The following SLC35B3 variants were observed in gnomAD, a reference collection of about 807,000 sequenced individuals.
The protein encoded by SLC35B3 is adenosine 3'-phospho 5'-phosphosulfate transporter 2.
In SLC35B3, 35 loss-of-function variants were observed where a neutral mutation model predicts 44.1. That is an observed-to-expected ratio of 0.79 (90% confidence interval 0.61 to 1.05). SLC35B3 has a LOEUF of 1.05. Among genes scored for constraint, SLC35B3 ranks in the 50% least tolerant of loss-of-function variants. The probability of loss-of-function intolerance (pLI) is 0.00; values close to 1 mark genes in which losing one functional copy is unlikely to be tolerated. For synonymous variants in SLC35B3, 146 were observed against 167.3 expected, an observed-to-expected ratio of 0.87 and a Z score of 0.98; for missense variants, 414 against 476.4, an observed-to-expected ratio of 0.87 and a Z score of 1.22.
Position 8,433,996 on chromosome 6 carries a change from C to T in SLC35B3, c.3+389G>A, listed in dbSNP as rs758019339. Among the ~76,000 whole-genome samples the T allele has an allele frequency of 1.7e-4, 25 of 150,590 alleles. No individual in the cohort carries two copies. Among genetic ancestry groups the T allele is most frequent in the Non-Finnish European group, 3.4e-4 (23 of 67,852 alleles). ...TTCAGACTAAATGATCAACATTGTG[C>T]TTTGCTTTTGAAGCTCACAGTAATC... On this transcript the variant is annotated intron_variant, in intron 2 of 10. Transcript: ENST00000644923. This position sits in a 1 kb window ranked among gnomAD's most constrained non-coding sequence, Gnocchi z 4.1.
In SLC35B3 at chr6:8,411,530, T is replaced by G. The variant is rs75017147; in HGVS notation, c.*2019A>C. ...ACAAATCCTTTTCTTCTTAAAAGTT[T>G]AAGGCAGCATAATGAAGTATGCATT... On this transcript the variant is annotated 3_prime_UTR_variant, in exon 11 of 11. Coordinates refer to ENST00000644923, the MANE Select transcript of SLC35B3 (RefSeq NM_001370476.2). Among the ~76,000 whole-genome samples, 1,801 of 152,318 alleles carry G rather than the reference T, an allele frequency of 0.012. 26 individuals carry two copies. The highest frequency in any genetic ancestry group is 0.046 in the East Asian group (239 of 5,188).
chr6:8,433,040 A>T lies in SLC35B3; in HGVS notation c.3+1345T>A, dbSNP rs1764138886. On this transcript the variant is annotated intron_variant, in intron 2 of 10. Transcript: ENST00000644923. The surrounding 1 kb of genome is among the most constrained non-coding windows in gnomAD (Gnocchi z 4.1). ...CAGTACCTAGTATGAAACACAAGCT[A>T]AAAATCTGGGAGTCATCTTAAGAAT... 6.6e-6 allele frequency among the ~76,000 whole-genome samples: 1 copy of T among 152,172 alleles called. No homozygotes were observed. Among genetic ancestry groups the T allele is most frequent in the South Asian group, 2.1e-4 (1 of 4,828 alleles).
In SLC35B3 at chr6:8,412,303, G is replaced by A. The variant is rs186765277; in HGVS notation, c.*1246C>T. Among the ~76,000 whole-genome samples, 297 of 152,138 alleles carry A rather than the reference G, an allele frequency of 2.0e-3. 2 individuals carry two copies. The highest frequency in any genetic ancestry group is 6.9e-3 in the African/African-American group (288 of 41,496). On this transcript the variant is annotated 3_prime_UTR_variant, in exon 11 of 11. Transcript: ENST00000644923. ...TATAGCAGCCTGAATGTGCTAAGGC[G>A]GAAAATATTGTCCAAATTTGCTAAC...
chr6:8,415,277 CT>C (rs2113248944), intron 9 of SLC35B3, among the ~76,000 whole-genome samples: 1 of 152,260 alleles, frequency 6.6e-6, no homozygotes, highest in Non-Finnish European at 1.5e-5. Context: ...CAGTTTAAGT[CT>C]TAGAGAAAGG....
chr6:8,434,373 A>T lies in SLC35B3; in HGVS notation c.3+12T>A. The T allele has an allele frequency of 6.2e-7, 1 of 1,612,066 alleles. No individual in the cohort carries two copies. Among genetic ancestry groups the T allele is most frequent in the Non-Finnish European group, 8.5e-7 (1 of 1,178,632 alleles). ...TTTGCCACACTCAACGTTACAAATA[A>T]AAGAATCTTACCATGCCATTATGCC... On this transcript the variant is annotated intron_variant, in intron 2 of 10. Coordinates refer to ENST00000644923, the MANE Select transcript of SLC35B3 (RefSeq NM_001370476.2). This position sits in a 1 kb window ranked among gnomAD's most constrained non-coding sequence, Gnocchi z 6.3.
In SLC35B3 at chr6:8,432,071, T is replaced by C. The variant is rs180734976; in HGVS notation, c.4-1914A>G. The stretch of plus-strand genomic sequence containing the variant: ...CCCCCCAGTTATTAGAAAAGAGAAC[T>C]TGAAAGGCAAGATTCAAATCTTATT... On this transcript the variant is annotated intron_variant, in intron 2 of 10. Transcript: ENST00000644923. The surrounding 1 kb of genome is among the most constrained non-coding windows in gnomAD (Gnocchi z 4.8). 6.6e-6 allele frequency among the ~76,000 whole-genome samples: 1 copy of C among 152,276 alleles called. No individual in the cohort carries two copies. The highest frequency in any genetic ancestry group is 6.5e-5 in the Admixed American group (1 of 15,290).
At chr6:8,423,539 T>A (rs1431719663) in intron 4 of SLC35B3, among the ~76,000 whole-genome samples, 1 of 152,202 alleles carries the variant, frequency 6.6e-6, no homozygotes, top group Non-Finnish European at 1.5e-5. Context: ...GACTAGATAT[T>A]TAATGGTCTA....
intron 5 of SLC35B3, among the ~76,000 whole-genome samples, chr6:8,421,122 A>T (rs1380221919): frequency 6.6e-6 from 1 of 152,192 alleles, no homozygotes; most frequent in Non-Finnish European, 1.5e-5. Context: ...ACAAACATTT[A>T]AAAAATTTCC....
intron 5 of SLC35B3, among the ~76,000 whole-genome samples, chr6:8,421,719 G>T (rs1463343462): frequency 6.6e-6 from 1 of 152,138 alleles, no homozygotes; most frequent in Admixed American, 6.5e-5. Flanking sequence ...AAGCCAGCAG[G>T]TTGGTAAAAA....
rs368810083 is a variant in SLC35B3 at position 8,431,729 on chromosome 6, C to T, written c.4-1572G>A. 1.2e-4 allele frequency among the ~76,000 whole-genome samples: 19 copies of T among 152,272 alleles called. No homozygotes were observed. In the South Asian group the frequency reaches 3.7e-3, roughly 30 times the overall value. Reference sequence around the variant, plus strand: ...TTTAAAACCATGCTTTAAATTATCTCTCCTAAATATTTGGTCAAACCTGTG... The same window carrying T: ...TTTAAAACCATGCTTTAAATTATCTTTCCTAAATATTTGGTCAAACCTGTG... On this transcript the variant is annotated intron_variant, in intron 2 of 10. Coordinates refer to ENST00000644923, the MANE Select transcript of SLC35B3 (RefSeq NM_001370476.2).
intron 4 of SLC35B3, 164 bp downstream of exon 3, chr6:8,427,773 C>T: frequency 8.2e-6 from 4 of 490,196 alleles, no homozygotes; most frequent in South Asian, 4.3e-5. Context: ...TTATTTTTTT[C>T]AGTGTATAAA....
At position 8,421,170 on chromosome 6, in the gene SLC35B3, A is replaced by G. The variant is rs143413039; in HGVS notation, c.575-342T>C. Among the ~76,000 whole-genome samples the G allele has an allele frequency of 3.0e-3, 461 of 152,346 alleles. 1 individual carries two copies. The highest frequency in any genetic ancestry group is 0.01 in the African/African-American group (421 of 41,584). ...TCCTGTTTTACTTTGTGCATAATAAAAGGTTATGAATTTTCTCGTAGTTTG... is the reference window on the plus strand; with the variant it reads ...TCCTGTTTTACTTTGTGCATAATAAGAGGTTATGAATTTTCTCGTAGTTTG... On this transcript the variant is annotated intron_variant, in intron 5 of 10. Transcript: ENST00000644923.
chr6:8,422,898 T>G (rs1446530033), intron 4 of SLC35B3, among the ~76,000 whole-genome samples: 4 of 143,918 alleles, frequency 2.8e-5, no homozygotes, highest in Non-Finnish European at 4.6e-5. Flanking sequence ...GTATAAATGT[T>G]GACAAAAGGT....
intron 10 of SLC35B3, among the ~76,000 whole-genome samples, chr6:8,414,154 T>C (rs530992653): frequency 6.6e-6 from 1 of 152,278 alleles, no homozygotes; most frequent in South Asian, 2.1e-4. Context: ...ATTATAATTA[T>C]ATTTATGTAT....
chr6:8,428,982 TTGA>T (rs1320504289), intron 3 of SLC35B3, among the ~76,000 whole-genome samples: 2 of 152,182 alleles, frequency 1.3e-5, no homozygotes, highest in African/African-American at 4.8e-5. Flanking sequence ...TACATTTCCC[TTGA>T]TGATCATCTC....
At position 8,413,359 on chromosome 6, in the gene SLC35B3, T is replaced by C. The variant is rs1318639804; in HGVS notation, c.*190A>G. The C allele has an allele frequency of 6.1e-6, 3 of 495,186 alleles. No individual in the cohort carries two copies. The highest frequency in any genetic ancestry group is 4.0e-5 in the African/African-American group (2 of 49,610). 30.7% of individuals were successfully genotyped at this position (495,186 alleles called of 1,614,324 possible). A position where few individuals can be genotyped will look rare whatever the true frequency, so the allele number is the denominator to read the frequency against. ...AGTCTGCTAGACGTGGCTCTCTTGA[T>C]TGCTTTGGAAGTCAGTCAAACAAAT... is the stretch of plus-strand genomic sequence containing the variant. On this transcript the variant is annotated 3_prime_UTR_variant, in exon 11 of 11. Transcript: ENST00000644923.
At chr6:8,425,697 C>T (rs1242516971) in intron 4 of SLC35B3, among the ~76,000 whole-genome samples, 1 of 151,940 alleles carries the variant, frequency 6.6e-6, no homozygotes, top group African/African-American at 2.4e-5. Context: ...AAAAGCTGCA[C>T]AATTTTTGAA....
At chr6:8,421,006 G>C (rs1052385392) in intron 5 of SLC35B3, among the ~76,000 whole-genome samples, 178 bp from the exon 5 acceptor site, 1 of 152,120 alleles carries the variant, frequency 6.6e-6, no homozygotes, top group South Asian at 2.1e-4. Context: ...CCAATGGGCA[G>C]CAATATGTCC....
Position 8,435,350 on chromosome 6 carries a change from CCGGT to C in SLC35B3, c.-55_-52del. On this transcript the variant is annotated 5_prime_UTR_variant, in exon 1 of 11. It adds an upstream start codon to the 5' untranslated region. Transcript: ENST00000644923. This position sits in a 1 kb window ranked among gnomAD's most constrained non-coding sequence, Gnocchi z 5.5. ...CCCCGAAGGCACGCGTACCCCAAGGCCGGTATGTCACCCGGAAGGGTGACGGCAG... is the reference window on the plus strand; with the variant it reads ...CCCCGAAGGCACGCGTACCCCAAGGCATGTCACCCGGAAGGGTGACGGCAG... 2.3e-6 allele frequency: 3 copies of C among 1,289,256 alleles called. No individual in the cohort carries two copies. In the South Asian group the frequency reaches 3.7e-5, roughly 16 times the overall value. The allele number at this position is 1,289,256 out of a possible 1,614,324, so 79.9% of individuals were successfully genotyped here. A position where few individuals can be genotyped will look rare whatever the true frequency, so the allele number is the denominator to read the frequency against.
Sources: gnomAD v4.1 joint callset for allele counts (sites outside exome capture counted in the v4.1 genomes callset) on GRCh38, gnomAD v4.1.1 for gene constraint, Gnocchi (gnomAD v3.1) non-coding constraint, MANE v1.5 for transcripts, NCBI Gene and HGNC (gene_info 2026-07-23, HGNC 2026-07-21) for gene names.